TENM2: variants seen among roughly 807,000 people sequenced by gnomAD.
TENM2 encodes teneurin-2.
TENM2 carries 52 observed loss-of-function variants against 245.2 expected under a neutral mutation model. The observed-to-expected ratio is 0.21, with a 90% confidence interval of 0.17 to 0.27. The LOEUF (loss-of-function observed/expected upper bound fraction) is 0.27, where lower values mean the gene tolerates loss of function less well. Among genes scored for constraint, TENM2 ranks in the 10% least tolerant of loss-of-function variants. The pLI is 1.00. For missense variants in TENM2, 3,046 were observed against 3,666.8 expected (o/e 0.83, Z 4.37); for synonymous variants, 1,363 against 1,438.9 (o/e 0.95, Z 1.19).
chr5:167,785,154 ATGTACT>A (rs1209105294), intron 2 of TENM2, among the ~76,000 whole-genome samples: 19 of 152,292 alleles, frequency 1.2e-4, no homozygotes, highest in African/African-American at 4.6e-4. Context: ...TAGAGATTTG[ATGTACT>A]TGTAGAGTTT....
At chr5:167,223,030 T>A in the TENM2 span, among the ~76,000 whole-genome samples, 8 of 152,172 alleles carry the variant, frequency 5.3e-5, no homozygotes, top group Middle Eastern at 3.2e-3. Context: ...GGATTTTTTT[T>A]ATTCTAAGTA....
chr5:167,463,606 C>G (rs557175656), intron 2 of TENM2, among the ~76,000 whole-genome samples: 2 of 151,756 alleles, frequency 1.3e-5, no homozygotes, highest in Non-Finnish European at 2.9e-5. Flanking sequence ...TCAAGCGATT[C>G]TCCTGCCTCA....
chr5:167,071,883 C>CCA, the TENM2 span, among the ~76,000 whole-genome samples: 26 of 142,430 alleles, frequency 1.8e-4, no homozygotes, highest in Admixed American at 2.8e-4. Flanking sequence ...AAATCGCCCC[C>CCA]CCCCGCCCCC....
At chr5:167,530,657 C>T (rs1405175755) in intron 2 of TENM2, among the ~76,000 whole-genome samples, 2 of 152,160 alleles carry the variant, frequency 1.3e-5, no homozygotes, top group Non-Finnish European at 2.9e-5. Context: ...AGCCATCGGC[C>T]CCTGCTCAAG....
chr5:167,279,838 A>G (rs1770949206), upstream of TENM2, among the ~76,000 whole-genome samples: 1 of 152,080 alleles, frequency 6.6e-6, no homozygotes, highest in African/African-American at 2.4e-5. Context: ...CATTGAAGCA[A>G]TTTCATGATG....
chr5:167,396,301 T>C (rs952574292), intron 2 of TENM2, among the ~76,000 whole-genome samples: 9 of 152,100 alleles, frequency 5.9e-5, no homozygotes, highest in Non-Finnish European at 1.3e-4. Context: ...AATCCTGCCA[T>C]ATGATACAAC....
intron 5 of TENM2, among the ~76,000 whole-genome samples, chr5:168,007,181 C>A (rs367747888): frequency 2.6e-5 from 4 of 151,646 alleles, no homozygotes; most frequent in South Asian, 4.1e-4. Context: ...GGCTGGAGTG[C>A]AGCGGCATGA....
chr5:168,214,837 A>G (rs752389134), intron 20 of TENM2: 1 of 671,220 alleles, frequency 1.5e-6, no homozygotes, highest in South Asian at 1.5e-5. Context: ...CTAATAGCAT[A>G]AGAAGCATAA....
intron 20 of TENM2, among the ~76,000 whole-genome samples, chr5:168,213,842 C>T (rs1762973885): frequency 6.6e-6 from 1 of 151,962 alleles, no homozygotes; most frequent in African/African-American, 2.4e-5. Context: ...AATAAAATAG[C>T]AGGGGAAAAT....
the TENM2 span, among the ~76,000 whole-genome samples, chr5:167,206,980 T>C: frequency 5.3e-5 from 8 of 152,056 alleles, no homozygotes; most frequent in Non-Finnish European, 8.8e-5. Flanking sequence ...ATAAGACAAT[T>C]TCTACTAGAA....
intron 1 of TENM2, among the ~76,000 whole-genome samples, chr5:167,354,891 G>T (rs767897800): frequency 3.9e-5 from 6 of 152,146 alleles, no homozygotes; most frequent in Non-Finnish European, 7.3e-5. Flanking sequence ...ACTTTCAAAA[G>T]AATCGGAAGC....
chr5:168,077,677 G>A (rs1242646306), intron 7 of TENM2, among the ~76,000 whole-genome samples: 1 of 152,116 alleles, frequency 6.6e-6, no homozygotes, highest in Admixed American at 6.5e-5. Context: ...AACATATGGT[G>A]TTTGGTTTTC....
intron 13 of TENM2, among the ~76,000 whole-genome samples, chr5:168,188,803 G>C (rs1760701304): frequency 6.6e-6 from 1 of 152,118 alleles, no homozygotes; most frequent in Non-Finnish European, 1.5e-5. Flanking sequence ...GGGGAGATGT[G>C]GGGTGGGCCG....
intron 10 of TENM2, among the ~76,000 whole-genome samples, chr5:168,123,168 G>T (rs991239573): frequency 5.9e-5 from 9 of 151,846 alleles, no homozygotes; most frequent in Non-Finnish European, 1.3e-4. Flanking sequence ...ACATGGCAAT[G>T]TGTGTCCGTG....
intron 2 of TENM2, among the ~76,000 whole-genome samples, chr5:167,871,382 G>C (rs960485128): frequency 3.3e-5 from 5 of 151,820 alleles, no homozygotes; most frequent in Admixed American, 3.3e-4. Flanking sequence ...ATCTATCAGA[G>C]TTAGCACAAA....
At chr5:167,051,648 C>A in the TENM2 span, among the ~76,000 whole-genome samples, 1 of 152,210 alleles carries the variant, frequency 6.6e-6, no homozygotes, top group Non-Finnish European at 1.5e-5. Context: ...ACGTATTCTA[C>A]ACAGATGTTG....
At chr5:167,171,717 G>C in the TENM2 span, among the ~76,000 whole-genome samples, 1 of 152,204 alleles carries the variant, frequency 6.6e-6, no homozygotes, top group African/African-American at 2.4e-5. Context: ...ACCCAAGGGA[G>C]ACAGAGAGGG....
intron 2 of TENM2, among the ~76,000 whole-genome samples, chr5:167,852,058 G>A (rs1036416098): frequency 1.3e-5 from 2 of 152,280 alleles, no homozygotes; most frequent in Middle Eastern, 3.4e-3. Context: ...AGCAGAGGAT[G>A]CTTGAAATGG....
At chr5:168,149,226 G>A (rs563532368) in intron 12 of TENM2, among the ~76,000 whole-genome samples, 10 of 152,234 alleles carry the variant, frequency 6.6e-5, no homozygotes, top group African/African-American at 9.6e-5. Flanking sequence ...GGTTCTCTCC[G>A]CGTCTCCACT....
Sources: allele counts gnomAD v4.1 joint callset (sites outside exome capture counted in the v4.1 genomes callset), GRCh38; gene constraint gnomAD v4.1.1; transcripts MANE v1.5; gene names NCBI Gene and HGNC (gene_info 2026-07-23, HGNC 2026-07-21).